The following ARFGEF3 variants were observed in gnomAD, a reference collection of about 807,000 sequenced individuals.
ARFGEF3 encodes the protein brefeldin A-inhibited guanine nucleotide-exchange protein 3.
A neutral mutation model predicts 221.7 loss-of-function variants in ARFGEF3; 96 were observed. The observed-to-expected ratio is 0.43, with a 90% CI of 0.37 to 0.51. The LOEUF (loss-of-function observed/expected upper bound fraction) is 0.51. Among genes scored for constraint, ARFGEF3 ranks in the 20% least tolerant of loss-of-function variants. The pLI is 0.00. For missense variants in ARFGEF3, 2,410 were observed against 2,789.9 expected (o/e 0.86, Z 3.07); for synonymous variants, 1,145 against 1,126.8 (o/e 1.02, Z -0.32).
rs1343113693 is a variant in ARFGEF3 at position 138,266,615 on chromosome 6, C to T, written c.2128+3004C>T. Reference sequence around the variant, plus strand: ...CTGCAATCCCACCACTTTGGGAGGCCGAGGCAGGCGGATCATGAGGTTAGG... The same window carrying T: ...CTGCAATCCCACCACTTTGGGAGGCTGAGGCAGGCGGATCATGAGGTTAGG... On this transcript the variant is annotated intron_variant, in intron 12 of 33. Transcript: ENST00000251691. 5.9e-5 allele frequency among the ~76,000 whole-genome samples: 9 copies of T among 151,970 alleles called. No homozygotes were observed. In the East Asian group the frequency reaches 1.4e-3, roughly 23 times the overall value.
At chr6:138,315,624 G>A (rs1455943037) in intron 26 of ARFGEF3, among the ~76,000 whole-genome samples, 1 of 152,220 alleles carries the variant, frequency 6.6e-6, no homozygotes, top group Non-Finnish European at 1.5e-5. Flanking sequence ...GGCCGAGGCC[G>A]GTGGATCACG....
At chr6:138,317,708 A>G (rs1229324684) in intron 27 of ARFGEF3, among the ~76,000 whole-genome samples, 4 of 152,218 alleles carry the variant, frequency 2.6e-5, no homozygotes, top group Admixed American at 6.5e-5. Context: ...CCATGGTCAC[A>G]GCCTTCCTTT....
At chr6:138,171,431 G>A (rs1776828361) in intron 2 of ARFGEF3, among the ~76,000 whole-genome samples, 1 of 152,110 alleles carries the variant, frequency 6.6e-6, no homozygotes, top group African/African-American at 2.4e-5. Context: ...TAGGTAGTGT[G>A]GATTTAAGCT....
intron 2 of ARFGEF3, among the ~76,000 whole-genome samples, chr6:138,171,961 T>C (rs2114431498): frequency 6.6e-6 from 1 of 152,344 alleles, no homozygotes; most frequent in African/African-American, 2.4e-5. Flanking sequence ...TAACCCTTTG[T>C]TGAGTATGGT....
chr6:138,229,282 C>A (rs1003140460), intron 4 of ARFGEF3, among the ~76,000 whole-genome samples: 2 of 152,298 alleles, frequency 1.3e-5, no homozygotes, highest in Middle Eastern at 3.4e-3. Context: ...CACATGGAGT[C>A]GGATTACTTG....
At position 138,286,343 on chromosome 6, in the gene ARFGEF3, A is replaced by G. The variant is rs1318579869; in HGVS notation, c.2569+290A>G. ...TGGGCACCTGTAGTCCCAGCTACTC[A>G]GGAGGCTGAGGCAAGAGAATGGCAT... On this transcript the variant is annotated intron_variant, in intron 15 of 33. Coordinates refer to ENST00000251691, the MANE Select transcript of ARFGEF3 (RefSeq NM_020340.5). Among the ~76,000 whole-genome samples, 3 of 151,820 alleles carry G rather than the reference A, an allele frequency of 2.0e-5. No homozygotes were observed. The East Asian group carries it at 5.8e-4, about 30-fold the overall frequency.
chr6:138,200,704 C>T (rs1408794496), intron 2 of ARFGEF3, among the ~76,000 whole-genome samples: 1 of 152,128 alleles, frequency 6.6e-6, no homozygotes, highest in Non-Finnish European at 1.5e-5. Flanking sequence ...AAACCTAAGA[C>T]CTGAAACTAT....
At position 138,336,912 on chromosome 6, in the gene ARFGEF3, A is replaced by T. The variant is rs1780337211; in HGVS notation, c.*426A>T. Reference sequence around the variant, plus strand: ...ATCTGCTGGTAAGTCAAGCTGATAAACACTCAGACATCTAGTACCAGGGAT... The same window carrying T: ...ATCTGCTGGTAAGTCAAGCTGATAATCACTCAGACATCTAGTACCAGGGAT... On this transcript the variant is annotated 3_prime_UTR_variant, in exon 34 of 34. Transcript: ENST00000251691. The T allele has an allele frequency of 6.5e-6, 1 of 152,690 alleles. No homozygotes were observed. The highest frequency in any genetic ancestry group is 1.5e-5 in the Non-Finnish European group (1 of 68,300). The allele number at this position is 152,690 out of a possible 1,614,324, so 9.5% of individuals were successfully genotyped here. A position where few individuals can be genotyped will look rare whatever the true frequency, so the allele number is the denominator to read the frequency against.
intron 5 of ARFGEF3, among the ~76,000 whole-genome samples, chr6:138,235,032 A>G (rs937630717): frequency 2.0e-5 from 3 of 152,220 alleles, no homozygotes; most frequent in African/African-American, 7.2e-5. Context: ...ATGTATATAT[A>G]TAGCTACGTT....
In ARFGEF3 at chr6:138,255,621, C is replaced by T; in HGVS notation, c.956C>T (p.Ala319Val). 3.7e-6 allele frequency: 6 copies of T among 1,613,956 alleles called. No individual in the cohort carries two copies. The highest frequency in any genetic ancestry group is 5.1e-6 in the Non-Finnish European group (6 of 1,179,886). Residue 319 changes from alanine to valine, a missense_variant, in exon 10 of 34, where the codon GCT (alanine) becomes GTT (valine). Around this residue, in one of 5 missense-constraint regions of ARFGEF3, gnomAD observed 570 missense variants for 586.9 expected, o/e 0.97. Coordinates refer to ENST00000251691, the MANE Select transcript of ARFGEF3 (RefSeq NM_020340.5). The part of the protein sequence containing the change: ...CTAPALSGPV[A>V]RTIYYIAAEL... ...GCGCCGGCCCTGAGCGGACCTGTGGCTCGGACTATCTATTACATCGCAGCC... is the reference window on the plus strand; with the variant it reads ...GCGCCGGCCCTGAGCGGACCTGTGGTTCGGACTATCTATTACATCGCAGCC...
chr6:138,248,195 G>T (rs1778518953), intron 8 of ARFGEF3, among the ~76,000 whole-genome samples: 1 of 152,116 alleles, frequency 6.6e-6, no homozygotes, highest in African/African-American at 2.4e-5. Flanking sequence ...GTCATATAGA[G>T]CCCTTTTAAA....
intron 1 of ARFGEF3, among the ~76,000 whole-genome samples, chr6:138,163,083 G>C (rs1776650578): frequency 1.3e-5 from 2 of 151,952 alleles, no homozygotes; most frequent in South Asian, 2.1e-4. Context: ...AACCATCACT[G>C]TCTGTCATGA....
At chr6:138,176,681 T>C (rs531441215) in intron 2 of ARFGEF3, among the ~76,000 whole-genome samples, 30 of 152,336 alleles carry the variant, frequency 2.0e-4, no homozygotes, top group Middle Eastern at 3.4e-3. Flanking sequence ...CTTTCTCTTC[T>C]CTTAATCCTT....
At position 138,334,364 on chromosome 6, in the gene ARFGEF3, G is replaced by A; in HGVS notation, c.5518G>A (p.Val1840Ile). 6.2e-7 allele frequency: 1 copy of A among 1,613,776 alleles called. No homozygotes were observed. The change falls in exon 33 of 34, where the codon GTC (valine) becomes ATC (isoleucine). Residue 1840 changes from valine to isoleucine, a missense_variant. By Grantham distance (29) the Val-to-Ile change is conservative. Transcript: ENST00000251691. This position sits in a 1 kb window ranked among gnomAD's most constrained non-coding sequence, Gnocchi z 5.1. ...ETITAEQVKK[V>I]LFEDDERSTD... ...CATCACGGCCGAGCAAGTGAAGAAGGTCCTTTTTGAGGACGACGAGAGAAG... is the reference window on the plus strand; with the variant it reads ...CATCACGGCCGAGCAAGTGAAGAAGATCCTTTTTGAGGACGACGAGAGAAG...
At chr6:138,277,467 T>G (rs7755847) in intron 12 of ARFGEF3, among the ~76,000 whole-genome samples, 12,377 of 152,254 alleles carry the variant, frequency 0.081, 1,631 homozygotes, top group African/African-American at 0.28. Context: ...CTGCTTTCAG[T>G]CCTTCTGGTT....
chr6:138,175,267 G>A (rs1776917895), intron 2 of ARFGEF3, among the ~76,000 whole-genome samples: 2 of 152,206 alleles, frequency 1.3e-5, no homozygotes, highest in African/African-American at 4.8e-5. Flanking sequence ...GGCTAGTCAT[G>A]TGAAAATCTT....
intron 8 of ARFGEF3, among the ~76,000 whole-genome samples, chr6:138,251,471 T>C (rs1330965626): frequency 2.6e-5 from 4 of 152,166 alleles, no homozygotes; most frequent in Non-Finnish European, 5.9e-5. Flanking sequence ...GGCCCTCTGA[T>C]TTGTCCTGTC....
At chr6:138,165,706 C>G (rs1268588070) in intron 1 of ARFGEF3, among the ~76,000 whole-genome samples, 1 of 152,006 alleles carries the variant, frequency 6.6e-6, no homozygotes, top group Non-Finnish European at 1.5e-5. Flanking sequence ...GAGGGTCACT[C>G]CCCACTGAGA....
At chr6:138,194,884 C>A (rs1777380944) in intron 2 of ARFGEF3, among the ~76,000 whole-genome samples, 1 of 151,122 alleles carries the variant, frequency 6.6e-6, no homozygotes, top group South Asian at 2.1e-4. Flanking sequence ...GACATTGAGG[C>A]CATTAAGGGA....
Sources: gnomAD v4.1 joint callset for allele counts (sites outside exome capture counted in the v4.1 genomes callset) on GRCh38, gnomAD v4.1.1 for gene constraint, gnomAD v4.1.1 regional missense constraint, Gnocchi (gnomAD v3.1) non-coding constraint, MANE v1.5 for transcripts, NCBI Gene and HGNC (gene_info 2026-07-23, HGNC 2026-07-21) for gene names.